Variants in SLC8A1 observed in about 807,000 individuals in gnomAD.
SLC8A1 encodes the protein sodium/calcium exchanger 1.
A neutral mutation model predicts 68.3 loss-of-function variants in SLC8A1; 18 were observed. That is an observed-to-expected ratio of 0.26 (90% CI 0.18 to 0.39). The LOEUF (loss-of-function observed/expected upper bound fraction) is 0.39, where lower values mean the gene tolerates loss of function less well. Among genes scored for constraint, SLC8A1 ranks in the 10% least tolerant of loss-of-function variants. SLC8A1 has a pLI of 1.00. For synonymous variants in SLC8A1, 475 were observed against 415.5 expected, an observed-to-expected ratio of 1.14 and a Z score of -1.74; for missense variants, 985 against 1,156.7, an observed-to-expected ratio of 0.85 and a Z score of 2.15.
At chr2:40,505,653 G>C (rs540598155) in intron 1 of SLC8A1, among the ~76,000 whole-genome samples, 15 of 152,028 alleles carry the variant, frequency 9.9e-5, no homozygotes, top group Non-Finnish European at 1.9e-4. Context: ...AAGGGGAGCA[G>C]TTGATTTGTG....
At chr2:40,236,293 G>A (rs2060359433) in intron 2 of SLC8A1, among the ~76,000 whole-genome samples, 1 of 151,628 alleles carries the variant, frequency 6.6e-6, no homozygotes, top group African/African-American at 2.4e-5. Context: ...CCTGTATTGG[G>A]TGCATATATA....
At chr2:40,172,145 A>C (rs1335852473) in intron 4 of SLC8A1, among the ~76,000 whole-genome samples, 1 of 152,214 alleles carries the variant, frequency 6.6e-6, no homozygotes, top group Non-Finnish European at 1.5e-5. Flanking sequence ...CCAAGAAAAA[A>C]AGTTCTTTAG....
At chr2:40,202,799 C>T (rs2054637484) in intron 2 of SLC8A1, among the ~76,000 whole-genome samples, 2 of 151,978 alleles carry the variant, frequency 1.3e-5, no homozygotes, top group African/African-American at 2.4e-5. Flanking sequence ...AGTCACTGTT[C>T]ATGAATTGCA....
chr2:40,286,558 C>T (rs746243277), intron 2 of SLC8A1, among the ~76,000 whole-genome samples: 3 of 152,156 alleles, frequency 2.0e-5, no homozygotes, highest in Non-Finnish European at 2.9e-5. Flanking sequence ...TTCACCTTAA[C>T]GACTGGTCTG....
At chr2:40,208,000 C>A (rs2055816110) in intron 2 of SLC8A1, among the ~76,000 whole-genome samples, 1 of 152,136 alleles carries the variant, frequency 6.6e-6, no homozygotes, top group Non-Finnish European at 1.5e-5. Context: ...TTCACAGCCA[C>A]AGCACTGCAA....
chr2:40,391,542 T>G (rs1685266553), intron 2 of SLC8A1, among the ~76,000 whole-genome samples: 1 of 152,034 alleles, frequency 6.6e-6, no homozygotes, highest in South Asian at 2.1e-4. Context: ...ACAGGAACCA[T>G]AAATACTTCT....
chr2:40,356,832 A>T (rs535101994), intron 2 of SLC8A1, among the ~76,000 whole-genome samples: 1 of 152,330 alleles, frequency 6.6e-6, no homozygotes, highest in Non-Finnish European at 1.5e-5. Flanking sequence ...CCAATGTGAG[A>T]CAATAGCAGT....
chr2:40,375,223 A>C (rs1170881377), intron 2 of SLC8A1, among the ~76,000 whole-genome samples: 1 of 152,096 alleles, frequency 6.6e-6, no homozygotes, highest in African/African-American at 2.4e-5. Context: ...ACAAACAAAA[A>C]ATAGAAACCC....
intron 2 of SLC8A1, among the ~76,000 whole-genome samples, chr2:40,326,447 T>TAA (rs77717603): frequency 1.8e-4 from 27 of 146,954 alleles, no homozygotes; most frequent in South Asian, 8.7e-4. Context: ...AGGGAAGAGA[T>TAA]AAAAAAAAAA....
At chr2:40,405,402 T>C (rs1690023275) in intron 2 of SLC8A1, among the ~76,000 whole-genome samples, 1 of 152,184 alleles carries the variant, frequency 6.6e-6, no homozygotes, top group South Asian at 2.1e-4. Flanking sequence ...GAAAAGTGCA[T>C]GAATGTTTCC....
chr2:40,235,575 A>AG (rs1331297141), intron 2 of SLC8A1, among the ~76,000 whole-genome samples: 3 of 151,892 alleles, frequency 2.0e-5, no homozygotes, highest in African/African-American at 7.3e-5. Context: ...AATTTTTTGA[A>AG]GGGTTTTTGG....
intron 2 of SLC8A1, among the ~76,000 whole-genome samples, chr2:40,195,256 T>C (rs1274852808): frequency 6.6e-6 from 1 of 152,122 alleles, no homozygotes; most frequent in African/African-American, 2.4e-5. Context: ...ACATGTGATA[T>C]GCAGAAATTT....
chr2:40,198,848 C>T (rs923919606), intron 2 of SLC8A1, among the ~76,000 whole-genome samples: 1 of 151,540 alleles, frequency 6.6e-6, no homozygotes, highest in Non-Finnish European at 1.5e-5. Flanking sequence ...GACCCTTTCC[C>T]TGCTGATACA....
intron 2 of SLC8A1, among the ~76,000 whole-genome samples, chr2:40,215,846 A>G (rs2057388088): frequency 1.3e-5 from 2 of 151,908 alleles, no homozygotes; most frequent in Admixed American, 1.3e-4. Context: ...ATCTACCTGA[A>G]AATCTATTCC....
chr2:40,238,690 T>A (rs1042974105), intron 2 of SLC8A1, among the ~76,000 whole-genome samples: 1 of 152,232 alleles, frequency 6.6e-6, no homozygotes, highest in Admixed American at 6.5e-5. Flanking sequence ...CAGTCTTCTA[T>A]ATTCCTTAAA....
At chr2:40,261,240 T>A (rs908541595) in intron 2 of SLC8A1, among the ~76,000 whole-genome samples, 2 of 152,164 alleles carry the variant, frequency 1.3e-5, no homozygotes, top group Non-Finnish European at 2.9e-5. Flanking sequence ...GTCTCTTCCA[T>A]AAGAAACTGG....
chr2:40,416,434 T>C (rs1427298432), intron 2 of SLC8A1, among the ~76,000 whole-genome samples: 1 of 152,118 alleles, frequency 6.6e-6, no homozygotes, highest in African/African-American at 2.4e-5. Context: ...AACTTTACTT[T>C]AAAAAGTAAG....
At chr2:40,457,641 C>T (rs935492424) in intron 1 of SLC8A1, among the ~76,000 whole-genome samples, 4 of 152,106 alleles carry the variant, frequency 2.6e-5, no homozygotes, top group African/African-American at 9.7e-5. Flanking sequence ...TACAGTGTGA[C>T]CTAAAGAATC....
intron 7 of SLC8A1, chr2:40,117,099 G>A (rs2035606341): frequency 6.6e-6 from 1 of 152,190 alleles, no homozygotes; most frequent in Admixed American, 6.5e-5. Context: ...AGTAGTAGGA[G>A]AGGCTGTTTT....
Sources: allele counts gnomAD v4.1 joint callset (sites outside exome capture counted in the v4.1 genomes callset), GRCh38; gene constraint gnomAD v4.1.1; transcripts MANE v1.5; gene names NCBI Gene and HGNC (gene_info 2026-07-23, HGNC 2026-07-21).